The following PTPRZ1 variants were observed in gnomAD, a reference collection of about 807,000 sequenced individuals.
PTPRZ1 encodes protein tyrosine phosphatase receptor type Z1.
A neutral mutation model predicts 214.1 loss-of-function variants in PTPRZ1; 82 were observed. That is an observed-to-expected ratio of 0.38 (90% confidence interval 0.32 to 0.46). PTPRZ1 has a LOEUF of 0.46. Among genes scored for constraint, PTPRZ1 ranks in the 20% least tolerant of loss-of-function variants. The pLI is 1.00. For synonymous variants in PTPRZ1, 945 were observed against 987.9 expected (o/e 0.96, Z 0.81); for missense variants, 2,603 against 2,748.7 (o/e 0.95, Z 1.19).
intron 2 of PTPRZ1, among the ~76,000 whole-genome samples, chr7:121,935,626 G>A (rs977224762): frequency 4.6e-5 from 7 of 151,904 alleles, no homozygotes; most frequent in Admixed American, 6.6e-5. Flanking sequence ...GTGCAGTGGC[G>A]CAATCTCGGC....
intron 6 of PTPRZ1, among the ~76,000 whole-genome samples, chr7:121,980,015 G>C (rs905469043): frequency 6.6e-6 from 1 of 151,116 alleles, no homozygotes; most frequent in African/African-American, 2.4e-5. Flanking sequence ...TGGGGATAGG[G>C]AGAGGAAAAT....
chr7:122,019,352 A>G lies in PTPRZ1; in HGVS notation c.4988+84A>G, dbSNP rs995476108. On this transcript the variant is annotated intron_variant, in intron 13 of 29. Transcript: ENST00000393386. ...TTCATCTGAAAGGTCTTCAAAGCAT[A>G]TTCAAAATGTATTTTACCTGAGAGC... 34 of 1,354,258 alleles carry G rather than the reference A, an allele frequency of 2.5e-5. No homozygotes were observed. The African/African-American group carries it at 4.6e-4, about 18-fold the overall frequency. The allele number at this position is 1,354,258 out of a possible 1,614,324, so 83.9% of individuals were successfully genotyped here.
chr7:122,040,740 G>C, intron 20 of PTPRZ1, 76 bp from the exon 21 acceptor site: 1 of 269,110 alleles, frequency 3.7e-6, no homozygotes, highest in Non-Finnish European at 5.8e-6. Context: ...GTGTGTGTGT[G>C]TGTGTGTGTG....
intron 8 of PTPRZ1, among the ~76,000 whole-genome samples, chr7:121,994,420 G>A (rs979337081): frequency 1.4e-5 from 2 of 146,212 alleles, no homozygotes; most frequent in Admixed American, 7.1e-5. Context: ...TCAGCCTCCC[G>A]AGTAGCTGGG....
Position 121,996,655 on chromosome 7 carries a change from C to T in PTPRZ1, c.1113+89C>T, listed in dbSNP as rs902370124. 6.5e-6 allele frequency: 7 copies of T among 1,083,342 alleles called. No homozygotes were observed. The African/African-American group carries it at 9.7e-5, about 15-fold the overall frequency. The allele number at this position is 1,083,342 out of a possible 1,614,324, so 67.1% of individuals were successfully genotyped here. ...TTACAAATGGTTGTATATTATTTTC[C>T]TCCATTACTTTTAGACTTTATGTGA... On this transcript the variant is annotated intron_variant, in intron 9 of 29. Transcript: ENST00000393386.
intron 27 of PTPRZ1, among the ~76,000 whole-genome samples, chr7:122,057,619 T>C (rs1320513290): frequency 1.3e-5 from 2 of 150,136 alleles, no homozygotes; most frequent in African/African-American, 2.5e-5. Context: ...AGTTTGGGAT[T>C]TGAATTTTTT....
At chr7:122,060,068 A>G (rs1167028627) in intron 29 of PTPRZ1, among the ~76,000 whole-genome samples, 180 bp downstream of exon 29, 1 of 152,188 alleles carries the variant, frequency 6.6e-6, no homozygotes, top group Non-Finnish European at 1.5e-5. Flanking sequence ...TTTATACTTC[A>G]GAAAATTTAT....
At chr7:121,978,171 A>G (rs559016088) in intron 6 of PTPRZ1, among the ~76,000 whole-genome samples, 23 of 152,172 alleles carry the variant, frequency 1.5e-4, no homozygotes, top group Non-Finnish European at 2.9e-4. Context: ...TGTCAGATAC[A>G]CTGTGACTAC....
chr7:121,874,039 G>GACACAC (rs10640393), intron 1 of PTPRZ1, among the ~76,000 whole-genome samples: 4,344 of 147,878 alleles, frequency 0.029, 78 homozygotes, highest in Non-Finnish European at 0.038. Flanking sequence ...GTGAATTGCA[G>GACACAC]ACACACACAC....
intron 13 of PTPRZ1, among the ~76,000 whole-genome samples, chr7:122,023,149 G>C (rs1562868123): frequency 6.6e-6 from 1 of 151,968 alleles, no homozygotes; most frequent in Non-Finnish European, 1.5e-5. Flanking sequence ...CTATTTTAAT[G>C]AGAAATTAAT....
chr7:122,048,887 A>G (rs1389391447), intron 23 of PTPRZ1, among the ~76,000 whole-genome samples: 2 of 152,150 alleles, frequency 1.3e-5, no homozygotes, highest in Non-Finnish European at 2.9e-5. Context: ...TTGGACAAAT[A>G]TAACTTTGAT....
intron 1 of PTPRZ1, among the ~76,000 whole-genome samples, chr7:121,910,027 G>A (rs538109718): frequency 6.6e-6 from 1 of 152,334 alleles, no homozygotes; most frequent in Non-Finnish European, 1.5e-5. Flanking sequence ...TTGCAATGTA[G>A]AAAAGAATGG....
chr7:121,914,071 T>A (rs1217664217), intron 1 of PTPRZ1, among the ~76,000 whole-genome samples: 1 of 152,204 alleles, frequency 6.6e-6, no homozygotes, highest in Non-Finnish European at 1.5e-5. Context: ...CCCAGCACTT[T>A]TGGAGGCCGA....
Position 121,873,453 on chromosome 7 carries a change from T to C in PTPRZ1, c.-47T>C, listed in dbSNP as rs1466769926. On this transcript the variant is annotated 5_prime_UTR_variant, in exon 1 of 30. Coordinates refer to ENST00000393386, the MANE Select transcript of PTPRZ1 (RefSeq NM_002851.3). ...CTTCGCTCCCCCTCCCTCTCCACTC[T>C]GAGAAGCAGAGGAGCCGCACGGCGA... 1.9e-6 allele frequency: 3 copies of C among 1,600,068 alleles called. No individual in the cohort carries two copies. The highest frequency in any genetic ancestry group is 3.3e-5 in the Admixed American group (2 of 59,884).
intron 13 of PTPRZ1, among the ~76,000 whole-genome samples, chr7:122,023,400 G>T (rs1406531908): frequency 6.7e-6 from 1 of 148,938 alleles, no homozygotes; most frequent in East Asian, 1.9e-4. Flanking sequence ...AGGTTCACTA[G>T]ATCATCTTTA....
chr7:122,021,606 G>A (rs1240111210), intron 13 of PTPRZ1, among the ~76,000 whole-genome samples: 1 of 152,048 alleles, frequency 6.6e-6, no homozygotes, highest in African/African-American at 2.4e-5. Context: ...GCTGGGCATG[G>A]TAGGGCATGT....
At chr7:121,932,550 C>A (rs1248453663) in intron 2 of PTPRZ1, among the ~76,000 whole-genome samples, 1 of 152,148 alleles carries the variant, frequency 6.6e-6, no homozygotes, top group Non-Finnish European at 1.5e-5. Flanking sequence ...ATTGTCTCAT[C>A]ATTTAAATTT....
intron 25 of PTPRZ1, among the ~76,000 whole-genome samples, chr7:122,052,401 C>T (rs189048699): frequency 2.0e-5 from 3 of 152,150 alleles, no homozygotes; most frequent in Non-Finnish European, 2.9e-5. Context: ...TTTTCTTCTG[C>T]ATTTACATCT....
chr7:121,885,785 A>C (rs1481411196), intron 1 of PTPRZ1, among the ~76,000 whole-genome samples: 2 of 152,198 alleles, frequency 1.3e-5, no homozygotes, highest in Non-Finnish European at 2.9e-5. Context: ...CACATTTTAA[A>C]ATTAGAATTC....
Sources: allele counts gnomAD v4.1 joint callset (sites outside exome capture counted in the v4.1 genomes callset), GRCh38; gene constraint gnomAD v4.1.1; transcripts MANE v1.5; gene names NCBI Gene and HGNC (gene_info 2026-07-23, HGNC 2026-07-21).